Variants in MYT1L observed in about 807,000 individuals in gnomAD.
MYT1L encodes myelin transcription factor 1 like, also known as myelin transcription factor 1-like protein.
A neutral mutation model predicts 126.7 loss-of-function variants in MYT1L; 12 were observed. The observed-to-expected ratio is 0.09, with a 90% CI of 0.06 to 0.15. MYT1L has a LOEUF of 0.15. MYT1L is among the 10% of genes least tolerant of loss of function. MYT1L has a pLI of 1.00. For synonymous variants in MYT1L, 541 were observed against 604.2 expected (o/e 0.90, Z 1.53); for missense variants, 979 against 1,585.2 (o/e 0.62, Z 6.49).
chr2:1,792,273 G>T, intron 24 of MYT1L, 48 bp downstream of exon 24: 1 of 1,552,282 alleles, frequency 6.4e-7, no homozygotes. Flanking sequence ...TTTAGGCTGT[G>T]CGCTGTGGAG....
At position 1,943,602 on chromosome 2, in the gene MYT1L, A is replaced by G. The variant is rs919931630; in HGVS notation, c.153-268T>C. ...CCAAGTCTCCTAGTTCCTCGTTCCTATAATTCCAGAGATCCTACGAAAATT... is the reference window on the plus strand; with the variant it reads ...CCAAGTCTCCTAGTTCCTCGTTCCTGTAATTCCAGAGATCCTACGAAAATT... On this transcript the variant is annotated intron_variant, in intron 8 of 24. Coordinates refer to ENST00000647738, the MANE Select transcript of MYT1L (RefSeq NM_001303052.2). The surrounding 1 kb of genome is among the most constrained non-coding windows in gnomAD (Gnocchi z 4.4). Among the ~76,000 whole-genome samples the G allele has an allele frequency of 6.6e-6, 1 of 152,210 alleles. No individual in the cohort carries two copies. Among genetic ancestry groups the G allele is most frequent in the Non-Finnish European group, 1.5e-5 (1 of 68,052 alleles).
chr2:2,171,621 T>C (rs961466321), intron 3 of MYT1L, among the ~76,000 whole-genome samples: 10 of 150,936 alleles, frequency 6.6e-5, no homozygotes, highest in African/African-American at 2.0e-4. Flanking sequence ...CTTTTTGTCG[T>C]CGTCGTTGTT....
intron 3 of MYT1L, among the ~76,000 whole-genome samples, chr2:2,093,380 T>C (rs189969751): frequency 1.2e-4 from 18 of 148,392 alleles, no homozygotes; most frequent in Admixed American, 1.1e-3. Flanking sequence ...AAACATGCTG[T>C]GATAATAAAA....
intron 14 of MYT1L, among the ~76,000 whole-genome samples, chr2:1,895,916 G>C (rs2049505195): frequency 6.6e-6 from 1 of 152,142 alleles, no homozygotes; most frequent in Non-Finnish European, 1.5e-5. Context: ...TACAGAATAG[G>C]AGAAGATATT....
chr2:2,322,588 G>T (rs1245480944), intron 1 of MYT1L, among the ~76,000 whole-genome samples: 1 of 149,918 alleles, frequency 6.7e-6, no homozygotes, highest in Non-Finnish European at 1.5e-5. Flanking sequence ...ACACAATTTT[G>T]ACCCTAAAAA....
chr2:2,168,076 C>T (rs991808309), intron 3 of MYT1L, among the ~76,000 whole-genome samples: 1 of 152,140 alleles, frequency 6.6e-6, no homozygotes, highest in African/African-American at 2.4e-5. Flanking sequence ...CAAACAACCA[C>T]AAATGAGAAA....
At chr2:1,867,697 C>T (rs2045766777) in intron 18 of MYT1L, among the ~76,000 whole-genome samples, 1 of 152,138 alleles carries the variant, frequency 6.6e-6, no homozygotes, top group South Asian at 2.1e-4. Flanking sequence ...CCTCTGTCTG[C>T]AATTCCCCCT....
intron 3 of MYT1L, among the ~76,000 whole-genome samples, chr2:2,126,855 T>G (rs773880975): frequency 1.1e-4 from 16 of 152,170 alleles, no homozygotes; most frequent in Non-Finnish European, 1.8e-4. Flanking sequence ...GTACCAAAAT[T>G]TTCATTCCTT....
rs549390301 is a variant in MYT1L at position 2,270,406 on chromosome 2, T to G, written c.-421+13998A>C. 6.6e-5 allele frequency among the ~76,000 whole-genome samples: 10 copies of G among 152,298 alleles called. No individual in the cohort carries two copies. In the South Asian group the frequency reaches 8.3e-4, roughly 13 times the overall value. ...GAGCTTGCTGTCTTGTCCAGTCACA[T>G]GAAATAATTTATCCCCTTTGCAAAT... On this transcript the variant is annotated intron_variant, in intron 2 of 24. Coordinates refer to ENST00000647738, the MANE Select transcript of MYT1L (RefSeq NM_001303052.2).
chr2:2,313,792 C>G (rs971345588), intron 1 of MYT1L, among the ~76,000 whole-genome samples: 1 of 152,168 alleles, frequency 6.6e-6, no homozygotes, highest in Non-Finnish European at 1.5e-5. Flanking sequence ...AGTCTAGAAG[C>G]ATGAGCTCTT....
intron 8 of MYT1L, among the ~76,000 whole-genome samples, chr2:1,973,982 G>C (rs1041044553): frequency 6.6e-6 from 1 of 152,210 alleles, no homozygotes; most frequent in Non-Finnish European, 1.5e-5. Context: ...CAATGTCAAG[G>C]TTGGTGACTT....
rs535877429 is a variant in MYT1L, at chr2:1,888,835, G to A, written c.2520+406C>T. Among the ~76,000 whole-genome samples the A allele has an allele frequency of 3.9e-5, 6 of 152,150 alleles. No individual in the cohort carries two copies. In the East Asian group the frequency reaches 1.2e-3, roughly 29 times the overall value. ...AGGGACACTGTCCTTAGTTTCGAAG[G>A]GCTAGTTAATTAATAGCACATAGTT... On this transcript the variant is annotated intron_variant, in intron 16 of 24. Transcript: ENST00000647738.
At chr2:1,953,990 G>A (rs545622490) in intron 8 of MYT1L, among the ~76,000 whole-genome samples, 3 of 152,262 alleles carry the variant, frequency 2.0e-5, no homozygotes, top group African/African-American at 7.2e-5. Context: ...GAAGGTTGAC[G>A]GGGCTCCCTG....
At chr2:1,921,319 A>C (rs529559710) in intron 10 of MYT1L, among the ~76,000 whole-genome samples, 143 of 152,330 alleles carry the variant, frequency 9.4e-4, no homozygotes, top group African/African-American at 3.3e-3. Flanking sequence ...CACAAAGTCA[A>C]GGTTATGCAT....
intron 3 of MYT1L, among the ~76,000 whole-genome samples, chr2:2,110,537 C>T (rs1201878583): frequency 6.6e-6 from 1 of 151,732 alleles, no homozygotes; most frequent in Non-Finnish European, 1.5e-5. Flanking sequence ...CCTGTCCCTG[C>T]CTCCCTCTGT....
intron 3 of MYT1L, among the ~76,000 whole-genome samples, chr2:2,122,872 T>TGTGTGTGTGTGAGA (rs553951630): frequency 0.037 from 4,893 of 132,588 alleles, 118 homozygotes; most frequent in Non-Finnish European, 0.051. Context: ...TGTGTGTGTG[T>TGTGTGTGTGTGAGA]GAGAGAGAGA....
chr2:1,891,366 G>T lies in MYT1L; in HGVS notation c.2283+671C>A, dbSNP rs373765737. Among the ~76,000 whole-genome samples the T allele has an allele frequency of 2.7e-4, 41 of 152,292 alleles. No homozygotes were observed. In the East Asian group the frequency reaches 5.4e-3, roughly 20 times the overall value. On this transcript the variant is annotated intron_variant, in intron 15 of 24. Coordinates refer to ENST00000647738, the MANE Select transcript of MYT1L (RefSeq NM_001303052.2). The stretch of plus-strand genomic sequence containing the variant: ...TGGCACCGCCTGGTTCTCCCCAGCC[G>T]CCTGGTGGCCTCGGCGAGGCAGCTG...
chr2:1,822,135 C>T (rs778443263), intron 21 of MYT1L, among the ~76,000 whole-genome samples: 36 of 152,340 alleles, frequency 2.4e-4, no homozygotes, highest in African/African-American at 7.9e-4. Context: ...CCCTCCCCAA[C>T]AGCTCCTCTG....
chr2:2,070,090 C>T (rs2074408951), intron 3 of MYT1L, among the ~76,000 whole-genome samples: 1 of 151,822 alleles, frequency 6.6e-6, no homozygotes, highest in Non-Finnish European at 1.5e-5. Flanking sequence ...TTATTTGTCA[C>T]TAAGCAAGGA....
Sources: gnomAD v4.1 joint callset for allele counts (sites outside exome capture counted in the v4.1 genomes callset) on GRCh38, gnomAD v4.1.1 for gene constraint, Gnocchi (gnomAD v3.1) non-coding constraint, MANE v1.5 for transcripts, NCBI Gene and HGNC (gene_info 2026-07-23, HGNC 2026-07-21) for gene names.